The following PIEZO2 variants were observed in gnomAD, a reference collection of about 807,000 sequenced individuals.
PIEZO2 encodes the protein piezo-type mechanosensitive ion channel component 2.
In PIEZO2, 172 loss-of-function variants were observed where a neutral mutation model predicts 337.3. The observed-to-expected ratio is 0.51, with a 90% CI of 0.45 to 0.58. The LOEUF (loss-of-function observed/expected upper bound fraction) is 0.58, where lower values mean the gene tolerates loss of function less well. Among genes scored for constraint, PIEZO2 ranks in the 20% least tolerant of loss-of-function variants. The pLI, the probability that PIEZO2 is intolerant of heterozygous loss-of-function variation, is 0.00. For synonymous variants in PIEZO2, 1,251 were observed against 1,228.5 expected (o/e 1.02, Z -0.38); for missense variants, 3,028 against 3,391.3 (o/e 0.89, Z 2.66).
chr18:11,093,438 CTGA>C (rs2039158878), intron 1 of PIEZO2, among the ~76,000 whole-genome samples: 1 of 152,218 alleles, frequency 6.6e-6, no homozygotes, highest in Non-Finnish European at 1.5e-5. Flanking sequence ...CAGGCTTCTT[CTGA>C]TGATGGGATC....
intron 4 of PIEZO2, among the ~76,000 whole-genome samples, chr18:10,884,513 C>T (rs1265510460): frequency 1.3e-5 from 2 of 152,174 alleles, no homozygotes; most frequent in East Asian, 3.9e-4. Context: ...CAGAGCCACA[C>T]CACATGGCTC....
In PIEZO2 at chr18:10,748,876, T is replaced by G. The variant is rs1452343438; in HGVS notation, c.4265-246A>C. On this transcript the variant is annotated intron_variant, in intron 29 of 55. Coordinates refer to ENST00000674853, the MANE Select transcript of PIEZO2 (RefSeq NM_001378183.1). The surrounding 1 kb of genome is among the most constrained non-coding windows in gnomAD (Gnocchi z 5.1). ...CTACAAGGCTCAGGAGGGCCCTTTT[T>G]ACGTGGGAGGCCTCTTGAGTATTTC... Among the ~76,000 whole-genome samples the G allele has an allele frequency of 6.6e-6, 1 of 152,166 alleles. No individual in the cohort carries two copies. Among genetic ancestry groups the G allele is most frequent in the African/African-American group, 2.4e-5 (1 of 41,434 alleles).
rs4796911 is a variant in PIEZO2, at chr18:10,940,213, G to A, written c.287-28985C>T. 0.42 allele frequency among the ~76,000 whole-genome samples: 63,386 copies of A among 152,066 alleles called. 13,964 individuals carry two copies. Among genetic ancestry groups the A allele is most frequent in the Non-Finnish European group, 0.5 (33,890 of 67,966 alleles). Reference sequence around the variant, plus strand: ...AATGTTAAAGTGAGTGTTCATTGGTGATTGCTGATATTCAAGATGCGTGAA... The same window carrying A: ...AATGTTAAAGTGAGTGTTCATTGGTAATTGCTGATATTCAAGATGCGTGAA... On this transcript the variant is annotated intron_variant, in intron 3 of 55. Transcript: ENST00000674853. The surrounding 1 kb of genome is among the most constrained non-coding windows in gnomAD (Gnocchi z 5.3).
At chr18:10,848,827 A>G (rs1426251117) in intron 7 of PIEZO2, among the ~76,000 whole-genome samples, 2 of 152,184 alleles carry the variant, frequency 1.3e-5, no homozygotes, top group Non-Finnish European at 2.9e-5. Context: ...AAATAAATCT[A>G]TAGGTTCCAA....
Position 10,979,391 on chromosome 18 carries a change from C to T in PIEZO2, c.286+144G>A, listed in dbSNP as rs2034577532. The T allele has an allele frequency of 3.8e-6, 3 of 798,114 alleles. 1 individual carries two copies. The highest frequency in any genetic ancestry group is 8.1e-4 in the Middle Eastern group (2 of 2,482). The allele number at this position is 798,114 out of a possible 1,614,324, so 49.4% of individuals were successfully genotyped here. A position where few individuals can be genotyped will look rare whatever the true frequency, so the allele number is the denominator to read the frequency against. ...AGCTTCTTTATATATATTTACACTG[C>T]ATTGCCAAAGACCAAAAATTTCCAT... On this transcript the variant is annotated intron_variant, in intron 3 of 55. Coordinates refer to ENST00000674853, the MANE Select transcript of PIEZO2 (RefSeq NM_001378183.1). This position sits in a 1 kb window ranked among gnomAD's most constrained non-coding sequence, Gnocchi z 4.0.
chr18:10,873,665 C>G (rs937315081), intron 4 of PIEZO2, among the ~76,000 whole-genome samples: 1 of 151,984 alleles, frequency 6.6e-6, no homozygotes. Context: ...AATGTTTCCA[C>G]GTATTTGTTA....
rs532022994 is a variant in PIEZO2, at chr18:10,939,552, T to C, written c.287-28324A>G. On this transcript the variant is annotated intron_variant, in intron 3 of 55. Transcript: ENST00000674853. ...TCAATGATAGACTGGATAAAGAAAA[T>C]GTGGCATATATACACCATGGTATAC... Among the ~76,000 whole-genome samples the C allele has an allele frequency of 1.8e-4, 28 of 152,198 alleles. No homozygotes were observed. The South Asian group carries it at 5.4e-3, about 29-fold the overall frequency.
chr18:11,066,097 CTG>C (rs1463579377), intron 2 of PIEZO2, 28 bp downstream of exon 2: 4 of 1,479,336 alleles, frequency 2.7e-6, no homozygotes, highest in Non-Finnish European at 3.7e-6. Flanking sequence ...CTGTATAACT[CTG>C]TGGTATACGA....
At chr18:10,865,724 T>C (rs1455387681) in intron 5 of PIEZO2, among the ~76,000 whole-genome samples, 1 of 152,136 alleles carries the variant, frequency 6.6e-6, no homozygotes, top group Non-Finnish European at 1.5e-5. Context: ...ATTTCAGGGG[T>C]ATTTACAATT....
At chr18:10,951,370 G>A (rs1401682701) in intron 3 of PIEZO2, among the ~76,000 whole-genome samples, 1 of 152,164 alleles carries the variant, frequency 6.6e-6, no homozygotes, top group Non-Finnish European at 1.5e-5. Flanking sequence ...ATTAAGTTGA[G>A]GGATTCATCT....
Position 10,815,426 on chromosome 18 carries a change from G to A in PIEZO2, c.918-8152C>T, listed in dbSNP as rs563527108. 3.9e-5 allele frequency among the ~76,000 whole-genome samples: 6 copies of A among 152,256 alleles called. No individual in the cohort carries two copies. In the South Asian group the frequency reaches 8.3e-4, roughly 21 times the overall value. On this transcript the variant is annotated intron_variant, in intron 7 of 55. Transcript: ENST00000674853. This position sits in a 1 kb window ranked among gnomAD's most constrained non-coding sequence, Gnocchi z 4.1. ...TTGGAAAATGAGGCTAGTAAATAAC[G>A]TATCTCAAAGAGGTAATGTGAAGAC...
At chr18:10,913,880 G>T (rs1173812187) in intron 3 of PIEZO2, among the ~76,000 whole-genome samples, 3 of 151,880 alleles carry the variant, frequency 2.0e-5, no homozygotes, top group Non-Finnish European at 2.9e-5. Flanking sequence ...TTTTGCCATT[G>T]ATACTTTCCT....
Position 10,899,146 on chromosome 18 carries a change from G to A in PIEZO2, c.329+12040C>T, listed in dbSNP as rs964073815. 6.6e-6 allele frequency among the ~76,000 whole-genome samples: 1 copy of A among 152,172 alleles called. No individual in the cohort carries two copies. Among genetic ancestry groups the A allele is most frequent in the African/African-American group, 2.4e-5 (1 of 41,438 alleles). On this transcript the variant is annotated intron_variant, in intron 4 of 55. Coordinates refer to ENST00000674853, the MANE Select transcript of PIEZO2 (RefSeq NM_001378183.1). This position sits in a 1 kb window ranked among gnomAD's most constrained non-coding sequence, Gnocchi z 4.6. Reference sequence around the variant, plus strand: ...TAGTTAAAAAGACCTAACTGCCTTCGTTCAGCTGTCAAGAAGTTACTCAAC... The same window carrying A: ...TAGTTAAAAAGACCTAACTGCCTTCATTCAGCTGTCAAGAAGTTACTCAAC...
rs1469540833 is a variant in PIEZO2, at chr18:11,003,920, A to G, written c.161-24260T>C. Among the ~76,000 whole-genome samples the G allele has an allele frequency of 6.6e-5, 10 of 152,170 alleles. No individual in the cohort carries two copies. On this transcript the variant is annotated intron_variant, in intron 2 of 55. Transcript: ENST00000674853. This position sits in a 1 kb window ranked among gnomAD's most constrained non-coding sequence, Gnocchi z 4.6. ...CTGCTAAATAGGACTAATGGAAGAG[A>G]GTTAATAGTCACTATTTTTGTTGCT...
At chr18:10,731,213 A>ATATC (rs2036768943) in intron 36 of PIEZO2, among the ~76,000 whole-genome samples, 194 bp downstream of exon 36, 3 of 127,222 alleles carry the variant, frequency 2.4e-5, no homozygotes, top group South Asian at 2.4e-4. Context: ...ATATATATAT[A>ATATC]TATATCTCCT....
chr18:10,677,713 A>G lies in PIEZO2; in HGVS notation c.8081+34T>C, dbSNP rs775177717. 6.3e-7 allele frequency: 1 copy of G among 1,599,032 alleles called. No homozygotes were observed. The highest frequency in any genetic ancestry group is 1.4e-5 in the African/African-American group (1 of 74,012). The stretch of plus-strand genomic sequence containing the variant: ...ATTTTGTACCAGCTGCATATACCTA[A>G]CAAAGCTCTATTAGTAGGAAAAAAT... On this transcript the variant is annotated intron_variant, in intron 53 of 55. Coordinates refer to ENST00000674853, the MANE Select transcript of PIEZO2 (RefSeq NM_001378183.1). The surrounding 1 kb of genome is among the most constrained non-coding windows in gnomAD (Gnocchi z 4.1).
At position 10,759,776 on chromosome 18, in the gene PIEZO2, C is replaced by T; in HGVS notation, c.3584G>A (p.Cys1195Tyr). Residue 1195 changes from cysteine (C) to tyrosine (Y), a missense_variant, in exon 25 of 56, where the codon TGC becomes TAC. Transcript: ENST00000674853. The surrounding 1 kb of genome is among the most constrained non-coding windows in gnomAD (Gnocchi z 5.5). The stretch of plus-strand genomic sequence containing the variant: ...GGTGATGATGCATGCCAGGAAGCAG[C>T]AGTACTTGGGCCAGATCTCTGCGAT... ...KAIAEIWPKYCCFLACIITFQ... is the reference protein window; with the variant it reads ...KAIAEIWPKYYCFLACIITFQ... 6.5e-7 allele frequency: 1 copy of T among 1,537,320 alleles called. No individual in the cohort carries two copies. The highest frequency in any genetic ancestry group is 8.7e-7 in the Non-Finnish European group (1 of 1,146,928).
chr18:10,775,591 G>A lies in PIEZO2; in HGVS notation c.2535-1553C>T, dbSNP rs1215254028. 6.6e-6 allele frequency among the ~76,000 whole-genome samples: 1 copy of A among 152,158 alleles called. No homozygotes were observed. On this transcript the variant is annotated intron_variant, in intron 18 of 55. Coordinates refer to ENST00000674853, the MANE Select transcript of PIEZO2 (RefSeq NM_001378183.1). This position sits in a 1 kb window ranked among gnomAD's most constrained non-coding sequence, Gnocchi z 4.3. ...ATTAACAGAGTGAAACTCAAAGAGGGGAGGCTGTTTCCACAGCTGCTACTA... is the reference window on the plus strand; with the variant it reads ...ATTAACAGAGTGAAACTCAAAGAGGAGAGGCTGTTTCCACAGCTGCTACTA...
chr18:10,736,175 C>T (rs2036986020), intron 34 of PIEZO2, among the ~76,000 whole-genome samples: 1 of 152,176 alleles, frequency 6.6e-6, no homozygotes, highest in Non-Finnish European at 1.5e-5. Context: ...AACTCTGAAG[C>T]AACATTTAAA....
Sources: gnomAD v4.1 joint callset for allele counts (sites outside exome capture counted in the v4.1 genomes callset) on GRCh38, gnomAD v4.1.1 for gene constraint, Gnocchi (gnomAD v3.1) non-coding constraint, MANE v1.5 for transcripts, NCBI Gene and HGNC (gene_info 2026-07-23, HGNC 2026-07-21) for gene names.